PTPRN2: variants seen among roughly 807,000 people sequenced by gnomAD.
The protein encoded by PTPRN2 is protein tyrosine phosphatase receptor type N2.
In PTPRN2, 74 loss-of-function variants were observed where a neutral mutation model predicts 118.8. The ratio of observed to expected loss-of-function variants is 0.62; its 90% CI spans 0.52 to 0.76. The LOEUF (loss-of-function observed/expected upper bound fraction) is 0.76. Among genes scored for constraint, PTPRN2 ranks in the 30% least tolerant of loss-of-function variants. PTPRN2 has a pLI of 0.00. For missense variants in PTPRN2, 1,481 were observed against 1,394.4 expected, an observed-to-expected ratio of 1.06 and a Z score of -0.99; for synonymous variants, 641 against 608.0, an observed-to-expected ratio of 1.05 and a Z score of -0.80.
At chr7:158,412,004 G>A (rs9692003) in intron 2 of PTPRN2, among the ~76,000 whole-genome samples, 62,483 of 148,294 alleles carry the variant, frequency 0.42, 13,376 homozygotes, top group Non-Finnish European at 0.48. Context: ...TCAGCTGCAG[G>A]GCCCATCACA....
intron 14 of PTPRN2, among the ~76,000 whole-genome samples, chr7:157,649,560 C>T (rs879116005): frequency 4.0e-5 from 4 of 99,760 alleles, no homozygotes; most frequent in African/African-American, 6.7e-5. Context: ...TCGGACCCAT[C>T]CAGCGTGCAC....
intron 2 of PTPRN2, among the ~76,000 whole-genome samples, chr7:158,411,112 G>T (rs546442350): frequency 1.3e-5 from 2 of 152,114 alleles, no homozygotes; most frequent in South Asian, 4.2e-4. Context: ...CTCCCGAGAG[G>T]AGGCCTCGCT....
At chr7:158,149,143 T>A (rs200704475) in intron 6 of PTPRN2, among the ~76,000 whole-genome samples, 3 of 78,718 alleles carry the variant, frequency 3.8e-5, no homozygotes, top group Non-Finnish European at 5.5e-5. Context: ...TCACGCCACG[T>A]GTCTTTCCCC....
At chr7:157,840,315 G>A (rs1424228837) in intron 12 of PTPRN2, among the ~76,000 whole-genome samples, 5 of 137,828 alleles carry the variant, frequency 3.6e-5, no homozygotes, top group African/African-American at 5.5e-5. Flanking sequence ...GTGTGGCCAC[G>A]TGTGACTGTG....
rs11976322 is a variant in PTPRN2 at position 158,090,140 on chromosome 7, T to C, written c.1644-8763A>G. Among the ~76,000 whole-genome samples the C allele has an allele frequency of 3.9e-4, 42 of 107,374 alleles. 10 individuals carry two copies. Among genetic ancestry groups the C allele is most frequent in the African/African-American group, 2.2e-3 (36 of 16,382 alleles). 70.4% of individuals were successfully genotyped at this position (107,374 alleles called of 152,430 possible). On this transcript the variant is annotated intron_variant, in intron 10 of 22. Coordinates refer to ENST00000389418, the MANE Select transcript of PTPRN2 (RefSeq NM_002847.5). ...ACAAAAGAGGGAGTCTTCACACACA[T>C]CCTTCTTCCACTGATGAAAGAGGGA... is the stretch of plus-strand genomic sequence containing the variant.
intron 12 of PTPRN2, among the ~76,000 whole-genome samples, chr7:157,824,296 C>T (rs61354532): frequency 0.044 from 6,718 of 152,240 alleles, 270 homozygotes; most frequent in East Asian, 0.21. Flanking sequence ...GGGCAGGGGG[C>T]GAGCTTGTTG....
At chr7:157,565,517 A>C (rs1347040080) in intron 21 of PTPRN2, among the ~76,000 whole-genome samples, 4 of 152,160 alleles carry the variant, frequency 2.6e-5, no homozygotes, top group Non-Finnish European at 5.9e-5. Flanking sequence ...GCCCAGGCGC[A>C]GACCCTGGTG....
chr7:157,736,908 T>C (rs146104329), intron 12 of PTPRN2, among the ~76,000 whole-genome samples: 2 of 152,264 alleles, frequency 1.3e-5, no homozygotes, highest in East Asian at 3.9e-4. Flanking sequence ...CCTCTACAAA[T>C]GAAAAGCTCC....
intron 12 of PTPRN2, among the ~76,000 whole-genome samples, chr7:157,747,365 G>T (rs1801036964): frequency 6.9e-6 from 1 of 145,304 alleles, no homozygotes. Context: ...GTGATTCTGA[G>T]GCCTGCGTCC....
intron 2 of PTPRN2, among the ~76,000 whole-genome samples, chr7:158,336,668 T>C (rs1291616996): frequency 8.2e-6 from 1 of 122,204 alleles, no homozygotes; most frequent in African/African-American, 3.3e-5. Flanking sequence ...ACACCCACAC[T>C]CTCACCATAA....
intron 3 of PTPRN2, among the ~76,000 whole-genome samples, chr7:158,303,059 A>G (rs972749435): frequency 1.3e-5 from 2 of 152,206 alleles, no homozygotes; most frequent in African/African-American, 4.8e-5. Flanking sequence ...TACTGTGTTT[A>G]TAATGAAATA....
At chr7:158,199,591 C>T (rs1263816180) in intron 4 of PTPRN2, among the ~76,000 whole-genome samples, 1 of 152,220 alleles carries the variant, frequency 6.6e-6, no homozygotes. Context: ...GTAAAGAACA[C>T]CAGCTACTAT....
intron 12 of PTPRN2, among the ~76,000 whole-genome samples, chr7:157,790,725 G>C (rs1347643729): frequency 6.6e-6 from 1 of 152,036 alleles, no homozygotes; most frequent in East Asian, 1.9e-4. Flanking sequence ...TTTAATCTTG[G>C]GTTCAAGTTG....
At chr7:157,746,387 C>T (rs1302970467) in intron 12 of PTPRN2, among the ~76,000 whole-genome samples, 5 of 147,844 alleles carry the variant, frequency 3.4e-5, no homozygotes, top group South Asian at 2.2e-4. Flanking sequence ...AAGGAGATCA[C>T]GGGACTCCCC....
chr7:158,169,732 G>A (rs535999285), intron 5 of PTPRN2, among the ~76,000 whole-genome samples: 19 of 150,828 alleles, frequency 1.3e-4, no homozygotes, highest in African/African-American at 2.2e-4. Context: ...TCTCACTGTC[G>A]CCCAGGCTGG....
At chr7:158,159,799 A>G (rs1822196878) in intron 6 of PTPRN2, among the ~76,000 whole-genome samples, 1 of 152,252 alleles carries the variant, frequency 6.6e-6, no homozygotes, top group South Asian at 2.1e-4. Flanking sequence ...AAAAAACTAC[A>G]GCACTGATGA....
At chr7:158,417,190 CT>C in intron 2 of PTPRN2, among the ~76,000 whole-genome samples, 1 of 152,000 alleles carries the variant, frequency 6.6e-6, no homozygotes, top group East Asian at 1.9e-4. Flanking sequence ...CTCAGTTTCC[CT>C]GCTGTGTTAA....
chr7:158,387,063 C>T (rs1368768977), intron 2 of PTPRN2, among the ~76,000 whole-genome samples: 2 of 152,134 alleles, frequency 1.3e-5, no homozygotes, highest in Admixed American at 1.3e-4. Flanking sequence ...GTCTCTGTGG[C>T]AGCATGTGTT....
At chr7:157,814,012 A>G (rs562127480) in intron 12 of PTPRN2, among the ~76,000 whole-genome samples, 91 of 152,340 alleles carry the variant, frequency 6.0e-4, no homozygotes, top group African/African-American at 2.1e-3. Context: ...TTCTGCCCCA[A>G]TGGCCTCTTC....
Sources: gnomAD v4.1 joint callset for allele counts (sites outside exome capture counted in the v4.1 genomes callset) on GRCh38, gnomAD v4.1.1 for gene constraint, MANE v1.5 for transcripts, NCBI Gene and HGNC (gene_info 2026-07-23, HGNC 2026-07-21) for gene names.